MAGI1: variants seen among roughly 807,000 people sequenced by gnomAD.
The protein encoded by MAGI1 is membrane associated guanylate kinase, WW and PDZ domain containing 1, also known as membrane-associated guanylate kinase, WW and PDZ domain-containing protein 1.
In MAGI1, 58 loss-of-function variants were observed where a neutral mutation model predicts 139.9. That is an observed-to-expected ratio of 0.41 (90% CI 0.34 to 0.52). The LOEUF (loss-of-function observed/expected upper bound fraction) is 0.52. Ranked by LOEUF, MAGI1 falls within the 20% of genes least tolerant of loss-of-function variation. The pLI is 0.12. For synonymous variants in MAGI1, 812 were observed against 737.9 expected, an observed-to-expected ratio of 1.10 and a Z score of -1.63; for missense variants, 1,874 against 1,901.6, an observed-to-expected ratio of 0.99 and a Z score of 0.27.
intron 5 of MAGI1, among the ~76,000 whole-genome samples, chr3:65,466,905 C>T (rs567934826): frequency 2.0e-5 from 3 of 152,190 alleles, no homozygotes; most frequent in Non-Finnish European, 4.4e-5. Context: ...GGTTTTTCTG[C>T]ACTGTTGCTG....
Position 65,701,221 on chromosome 3 carries a change from A to G in MAGI1, c.314-79133T>C, listed in dbSNP as rs553327018. ...CTGATGTACCAATAGATTATCTAAA[A>G]TTCTCATAAAAGAAAAGCTCTAACT... On this transcript the variant is annotated intron_variant, in intron 1 of 22. Transcript: ENST00000402939. 1.8e-4 allele frequency among the ~76,000 whole-genome samples: 28 copies of G among 152,354 alleles called. No individual in the cohort carries two copies. The East Asian group carries it at 5.4e-3, about 29-fold the overall frequency.
At chr3:65,575,703 G>T (rs1012704050) in intron 2 of MAGI1, among the ~76,000 whole-genome samples, 2 of 152,182 alleles carry the variant, frequency 1.3e-5, no homozygotes, top group Non-Finnish European at 2.9e-5. Flanking sequence ...ATAGTGAGCT[G>T]TTGCTATATG....
At chr3:65,867,905 G>A (rs931929162) in intron 1 of MAGI1, among the ~76,000 whole-genome samples, 4 of 152,128 alleles carry the variant, frequency 2.6e-5, no homozygotes, top group African/African-American at 7.2e-5. Context: ...CTGAGGAGGC[G>A]TCAGGTCTGA....
intron 2 of MAGI1, chr3:65,597,774 G>A (rs1321320791): frequency 2.2e-6 from 1 of 456,758 alleles, no homozygotes; most frequent in Admixed American, 2.3e-5. Flanking sequence ...AGGGGGCGGT[G>A]GAGGGGTGGC....
chr3:65,795,982 C>T (rs1057124187), intron 1 of MAGI1, among the ~76,000 whole-genome samples: 3 of 143,832 alleles, frequency 2.1e-5, no homozygotes, highest in Admixed American at 7.2e-5. Flanking sequence ...CCACAGGAGG[C>T]GGAAGGTGCA....
chr3:66,005,026 A>T (rs2066940462), intron 1 of MAGI1, among the ~76,000 whole-genome samples: 1 of 152,246 alleles, frequency 6.6e-6, no homozygotes, highest in African/African-American at 2.4e-5. Context: ...CAAGAGTATT[A>T]AAACATCTGC....
intron 2 of MAGI1, among the ~76,000 whole-genome samples, chr3:65,582,254 G>A (rs558715221): frequency 6.6e-6 from 1 of 152,278 alleles, no homozygotes; most frequent in African/African-American, 2.4e-5. Flanking sequence ...TTTAGTGAAT[G>A]AGTAAGCTCC....
At chr3:65,399,551 G>A (rs1944685138) in intron 13 of MAGI1, among the ~76,000 whole-genome samples, 1 of 152,128 alleles carries the variant, frequency 6.6e-6, no homozygotes, top group African/African-American at 2.4e-5. Flanking sequence ...CCAAGCTGGG[G>A]GCTTATTATT....
chr3:65,391,500 G>T, intron 13 of MAGI1, 142 bp from the exon 14 acceptor site: 1 of 659,654 alleles, frequency 1.5e-6, no homozygotes, highest in Non-Finnish European at 2.6e-6. Flanking sequence ...CCTTTCTCCA[G>T]CTAATGCTGA....
At chr3:65,643,459 C>T (rs183302693) in intron 1 of MAGI1, among the ~76,000 whole-genome samples, 3 of 152,246 alleles carry the variant, frequency 2.0e-5, no homozygotes, top group Admixed American at 6.5e-5. Context: ...CTATTCCTCC[C>T]ACTAAGTACA....
At chr3:65,657,573 C>T (rs1236418432) in intron 1 of MAGI1, among the ~76,000 whole-genome samples, 3 of 152,052 alleles carry the variant, frequency 2.0e-5, no homozygotes, top group African/African-American at 7.2e-5. Context: ...GTACTTATTG[C>T]CCAAATGAAC....
At chr3:65,601,037 T>C (rs966721870) in intron 2 of MAGI1, among the ~76,000 whole-genome samples, 10 of 152,130 alleles carry the variant, frequency 6.6e-5, no homozygotes, top group Non-Finnish European at 1.0e-4. Flanking sequence ...ACTGGGTGAA[T>C]AGAGGGCATG....
chr3:65,402,253 T>C (rs1240859222), intron 12 of MAGI1, among the ~76,000 whole-genome samples: 1 of 151,994 alleles, frequency 6.6e-6, no homozygotes, highest in Non-Finnish European at 1.5e-5. Flanking sequence ...AAGAAAAAGA[T>C]AATAATGGAG....
rs541542134 is a variant in MAGI1 at position 65,471,767 on chromosome 3, G to A, written c.758-1283C>T. ...GTTATTAGGTCAGGAATAGGTACAT[G>A]ATCTAAGGCAAACAAATTTGAATGT... is the stretch of plus-strand genomic sequence containing the variant. On this transcript the variant is annotated intron_variant, in intron 4 of 22. Coordinates refer to ENST00000402939, the MANE Select transcript of MAGI1 (RefSeq NM_001033057.2). 4.8e-5 allele frequency among the ~76,000 whole-genome samples: 7 copies of A among 145,204 alleles called. No individual in the cohort carries two copies. The East Asian group carries it at 9.7e-4, about 20-fold the overall frequency.
At chr3:65,464,279 T>G (rs915848909) in intron 5 of MAGI1, among the ~76,000 whole-genome samples, 1 of 152,184 alleles carries the variant, frequency 6.6e-6, no homozygotes, top group Non-Finnish European at 1.5e-5. Flanking sequence ...TTCCATCTTT[T>G]TGAGCTTAAG....
chr3:65,357,085 G>A lies in MAGI1; in HGVS notation c.3682C>T (p.Pro1228Ser). The A allele has an allele frequency of 6.2e-7, 1 of 1,614,080 alleles. No individual in the cohort carries two copies. Among genetic ancestry groups the A allele is most frequent in the Non-Finnish European group, 8.5e-7 (1 of 1,179,996 alleles). ...HGPATGPQGV[P>S]EVRAGPDRRQ... ...CGGTCGGGCCCGGCCCTCACTTCCG[G>A]AACACCTTGTGGACCGGTGGCGGGG... The change falls in exon 23 of 23, where the codon CCG becomes TCG. Residue 1228 changes from proline (P) to serine (S), a missense_variant. Physicochemically the swap from Pro to Ser is moderately conservative, Grantham distance 74. Transcript: ENST00000402939.
intron 3 of MAGI1, among the ~76,000 whole-genome samples, chr3:65,488,122 C>G (rs141966421): frequency 2.5e-4 from 38 of 152,260 alleles, no homozygotes; most frequent in African/African-American, 8.9e-4. Context: ...TTCTAATCCT[C>G]TCTTGGTTCA....
At chr3:65,429,481 A>C (rs761488598) in intron 12 of MAGI1, 39 bp downstream of exon 12, 8 of 1,536,384 alleles carry the variant, frequency 5.2e-6, no homozygotes, top group Non-Finnish European at 7.0e-6. Flanking sequence ...TGAATTTGGG[A>C]TAAAAAAAAA....
At chr3:65,918,379 A>ATTTTTTT (rs34906725) in intron 1 of MAGI1, among the ~76,000 whole-genome samples, 6 of 128,690 alleles carry the variant, frequency 4.7e-5, no homozygotes, top group African/African-American at 9.0e-5. Context: ...GCTCCAAAAC[A>ATTTTTTT]TTTTTTTTTT....
Sources: allele counts gnomAD v4.1 joint callset (sites outside exome capture counted in the v4.1 genomes callset), GRCh38; gene constraint gnomAD v4.1.1; transcripts MANE v1.5; gene names NCBI Gene and HGNC (gene_info 2026-07-23, HGNC 2026-07-21).